Variants in CNTN5 observed in about 807,000 individuals in gnomAD.
CNTN5 encodes contactin-5.
CNTN5 carries 77 observed loss-of-function variants against 129.1 expected under a neutral mutation model. The ratio of observed to expected loss-of-function variants is 0.60; its 90% CI spans 0.50 to 0.72. The LOEUF is 0.72. Among genes scored for constraint, CNTN5 ranks in the 30% least tolerant of loss-of-function variants. The pLI is 0.00. For synonymous variants in CNTN5, 509 were observed against 465.6 expected, an observed-to-expected ratio of 1.09 and a Z score of -1.20; for missense variants, 1,478 against 1,328.8, an observed-to-expected ratio of 1.11 and a Z score of -1.75.
At chr11:99,987,542 T>C (rs12295952) in intron 8 of CNTN5, among the ~76,000 whole-genome samples, 9,272 of 144,124 alleles carry the variant, frequency 0.064, 474 homozygotes, top group African/African-American at 0.13. Context: ...TATATATATA[T>C]ACACATACAC....
intron 1 of CNTN5, among the ~76,000 whole-genome samples, chr11:99,209,264 T>C (rs958263544): frequency 1.3e-5 from 2 of 152,126 alleles, no homozygotes; most frequent in African/African-American, 4.8e-5. Flanking sequence ...GTAATATCTG[T>C]GACCGGGTAC....
chr11:99,613,574 T>C (rs985105880), intron 3 of CNTN5, among the ~76,000 whole-genome samples: 5 of 152,116 alleles, frequency 3.3e-5, no homozygotes, highest in African/African-American at 1.2e-4. Flanking sequence ...GCAATAAAGA[T>C]AGCAGGGATA....
chr11:99,876,246 C>A (rs569789952), intron 6 of CNTN5, among the ~76,000 whole-genome samples: 2 of 152,258 alleles, frequency 1.3e-5, no homozygotes, highest in South Asian at 2.1e-4. Context: ...TCTGGAACCC[C>A]ATGGCTTCAA....
intron 1 of CNTN5, among the ~76,000 whole-genome samples, chr11:99,300,857 A>G (rs917467081): frequency 6.6e-6 from 1 of 152,018 alleles, no homozygotes; most frequent in Non-Finnish European, 1.5e-5. Context: ...GTAAAACATG[A>G]TGCTTTCATC....
At chr11:99,063,702 T>TAA (rs1864982443) in intron 1 of CNTN5, among the ~76,000 whole-genome samples, 1 of 152,138 alleles carries the variant, frequency 6.6e-6, no homozygotes, top group East Asian at 1.9e-4. Flanking sequence ...AATACTCTTT[T>TAA]AGACTACAGT....
At chr11:99,700,298 A>G (rs76004491) in intron 3 of CNTN5, among the ~76,000 whole-genome samples, 14 of 151,558 alleles carry the variant, frequency 9.2e-5, no homozygotes, top group African/African-American at 2.2e-4. Flanking sequence ...CCATGATTCT[A>G]TGATCACACA....
At chr11:99,545,327 T>G (rs1948255012) in intron 2 of CNTN5, among the ~76,000 whole-genome samples, 1 of 152,208 alleles carries the variant, frequency 6.6e-6, no homozygotes, top group Admixed American at 6.5e-5. Context: ...TGGTTTCGAC[T>G]GCCAGATGAA....
At chr11:99,327,020 A>G (rs933865980) in intron 2 of CNTN5, among the ~76,000 whole-genome samples, 1 of 152,178 alleles carries the variant, frequency 6.6e-6, no homozygotes, top group Non-Finnish European at 1.5e-5. Flanking sequence ...TTTTGTTCTT[A>G]ACTCATAATC....
rs900488971 is a variant in CNTN5, at chr11:99,045,129, A to G, written c.-210+23859A>G. Among the ~76,000 whole-genome samples, 9 of 152,348 alleles carry G rather than the reference A, an allele frequency of 5.9e-5. 1 individual carries two copies. In the South Asian group the frequency reaches 1.2e-3, roughly 21 times the overall value. On this transcript the variant is annotated intron_variant, in intron 1 of 24. Transcript: ENST00000524871. ...AGAATGATTGATACAGTCAGGATGC[A>G]TCCCATGTAGGGTGTGAACAAGTTA...
At chr11:99,751,205 T>C (rs1428139318) in intron 3 of CNTN5, among the ~76,000 whole-genome samples, 1 of 152,004 alleles carries the variant, frequency 6.6e-6, no homozygotes, top group Non-Finnish European at 1.5e-5. Context: ...GGTGTGGCGG[T>C]GGGTGCCTGC....
At chr11:100,051,216 G>T (rs1389593271) in intron 9 of CNTN5, among the ~76,000 whole-genome samples, 1 of 151,876 alleles carries the variant, frequency 6.6e-6, no homozygotes, top group Non-Finnish European at 1.5e-5. Context: ...TCTGCACATG[G>T]AATATTCACC....
chr11:99,233,963 A>AATAC (rs1368015527), intron 1 of CNTN5, among the ~76,000 whole-genome samples: 1 of 152,044 alleles, frequency 6.6e-6, no homozygotes, highest in Non-Finnish European at 1.5e-5. Context: ...TAAATAAATA[A>AATAC]ATAAATAATA....
At chr11:99,229,186 T>A (rs1370878071) in intron 1 of CNTN5, among the ~76,000 whole-genome samples, 2 of 152,050 alleles carry the variant, frequency 1.3e-5, no homozygotes. Flanking sequence ...GTAAATGAAC[T>A]CATAAAAATT....
chr11:99,976,934 C>A (rs147422890), intron 8 of CNTN5, among the ~76,000 whole-genome samples: 1 of 152,292 alleles, frequency 6.6e-6, no homozygotes, highest in Non-Finnish European at 1.5e-5. Context: ...ATTTTCCAAG[C>A]GTTTATTTTC....
chr11:100,257,832 A>G (rs1283193256), intron 17 of CNTN5, among the ~76,000 whole-genome samples: 2 of 152,326 alleles, frequency 1.3e-5, no homozygotes, highest in South Asian at 4.1e-4. Context: ...AAAGATGAGG[A>G]AAAAACAGCA....
chr11:99,878,632 C>A (rs1227647742), intron 6 of CNTN5, among the ~76,000 whole-genome samples: 1 of 152,120 alleles, frequency 6.6e-6, no homozygotes, highest in Non-Finnish European at 1.5e-5. Context: ...CCCAGGCAGG[C>A]GGATCACGAG....
At chr11:99,972,632 C>T (rs1435327294) in intron 8 of CNTN5, among the ~76,000 whole-genome samples, 1 of 152,150 alleles carries the variant, frequency 6.6e-6, no homozygotes, top group Non-Finnish European at 1.5e-5. Flanking sequence ...CCTTGAAAAG[C>T]AGAGTCCTTC....
chr11:100,283,404 G>A (rs573497895), intron 18 of CNTN5, among the ~76,000 whole-genome samples: 2 of 152,092 alleles, frequency 1.3e-5, no homozygotes, highest in South Asian at 4.2e-4. Context: ...TAGGAAAGGG[G>A]TGGCATCAAC....
At chr11:100,031,323 G>A (rs549209999) in intron 9 of CNTN5, among the ~76,000 whole-genome samples, 16 of 152,294 alleles carry the variant, frequency 1.1e-4, no homozygotes, top group East Asian at 1.9e-4. Flanking sequence ...AGCCAACAGC[G>A]CATGATGTGC....
Sources: gnomAD v4.1 joint callset for allele counts (sites outside exome capture counted in the v4.1 genomes callset) on GRCh38, gnomAD v4.1.1 for gene constraint, MANE v1.5 for transcripts, NCBI Gene and HGNC (gene_info 2026-07-23, HGNC 2026-07-21) for gene names.